Variants in ST6GALNAC3 observed in about 807,000 individuals in gnomAD.
The protein encoded by ST6GALNAC3 is ST6 N-acetylgalactosaminide alpha-2,6-sialyltransferase 3.
In ST6GALNAC3, 25 loss-of-function variants were observed where a neutral mutation model predicts 32.7. The ratio of observed to expected loss-of-function variants is 0.76; its 90% CI spans 0.56 to 1.07. ST6GALNAC3 has a LOEUF of 1.07. Among genes scored for constraint, ST6GALNAC3 ranks in the 50% least tolerant of loss-of-function variants. The pLI is 0.00. For synonymous variants in ST6GALNAC3, 129 were observed against 133.1 expected (o/e 0.97, Z 0.21); for missense variants, 355 against 382.4 (o/e 0.93, Z 0.60).
chr1:76,215,655 G>T (rs141952965), intron 1 of ST6GALNAC3, among the ~76,000 whole-genome samples: 1 of 152,208 alleles, frequency 6.6e-6, no homozygotes, highest in Admixed American at 6.5e-5. Context: ...ATCTTGGAGC[G>T]TATCAGGAAG....
At chr1:76,459,369 C>T (rs9437154) in intron 3 of ST6GALNAC3, among the ~76,000 whole-genome samples, 75,813 of 151,932 alleles carry the variant, frequency 0.5, 22,272 homozygotes, top group Non-Finnish European at 0.65. Flanking sequence ...TCAAGACCAT[C>T]CTGGCTAACA....
At chr1:76,576,482 A>G (rs1376374251) in intron 3 of ST6GALNAC3, among the ~76,000 whole-genome samples, 1 of 152,050 alleles carries the variant, frequency 6.6e-6, no homozygotes, top group East Asian at 1.9e-4. Context: ...TTGCAGTTAG[A>G]CCAAGGAATC....
rs141276750 is a variant in ST6GALNAC3, at chr1:76,379,558, C to T, written c.214-32450C>T. The stretch of plus-strand genomic sequence containing the variant: ...GGTGGAGAAAGAGAGAATCTCATGA[C>T]GGCTTTTGGTTTGGGGTTATTGAGA... On this transcript the variant is annotated intron_variant, in intron 2 of 4. Transcript: ENST00000328299. Among the ~76,000 whole-genome samples, 9 of 152,280 alleles carry T rather than the reference C, an allele frequency of 5.9e-5. No individual in the cohort carries two copies. The East Asian group carries it at 9.7e-4, about 16-fold the overall frequency.
At chr1:76,274,733 G>A (rs142374602) in intron 1 of ST6GALNAC3, among the ~76,000 whole-genome samples, 9 of 152,294 alleles carry the variant, frequency 5.9e-5, no homozygotes, top group Non-Finnish European at 1.0e-4. Flanking sequence ...ATTTTAAAGA[G>A]ATAGGGTGGA....
In ST6GALNAC3 at chr1:76,530,262, G is replaced by A. The variant is rs74335703; in HGVS notation, c.624-97190G>A. 9.1e-3 allele frequency among the ~76,000 whole-genome samples: 1,381 copies of A among 152,158 alleles called. 23 individuals carry two copies. Among genetic ancestry groups the A allele is most frequent in the African/African-American group, 0.03 (1,262 of 41,490 alleles). On this transcript the variant is annotated intron_variant, in intron 3 of 4. Coordinates refer to ENST00000328299, the MANE Select transcript of ST6GALNAC3 (RefSeq NM_152996.4). ...TACCTTTTATCCCAGGTACAGGGGC[G>A]GACAAAACTTCATACCTGATTAATC...
At chr1:76,398,690 C>A (rs1394251112) in intron 2 of ST6GALNAC3, among the ~76,000 whole-genome samples, 1 of 152,038 alleles carries the variant, frequency 6.6e-6, no homozygotes, top group African/African-American at 2.4e-5. Context: ...TGTTTGTGTA[C>A]ATGAAAATTG....
intron 3 of ST6GALNAC3, among the ~76,000 whole-genome samples, chr1:76,463,401 A>T (rs1250381873): frequency 6.6e-6 from 1 of 152,166 alleles, no homozygotes; most frequent in Non-Finnish European, 1.5e-5. Context: ...CTCATTGGAG[A>T]TAAGACAGTT....
In ST6GALNAC3 at chr1:76,074,798, C is replaced by T; in HGVS notation, c.-69C>T. On this transcript the variant is annotated 5_prime_UTR_variant, in exon 1 of 5. Transcript: ENST00000328299. ...GTCCTGCCGTGGTACCAGCCTCCAG[C>T]CTGCCCCCAGGACTGCCCCTGACCC... 1 of 1,541,360 alleles carries T rather than the reference C, an allele frequency of 6.5e-7. No homozygotes were observed. Among genetic ancestry groups the T allele is most frequent in the Non-Finnish European group, 8.8e-7 (1 of 1,140,982 alleles).
chr1:76,618,467 A>C (rs573446873), intron 3 of ST6GALNAC3, among the ~76,000 whole-genome samples: 2 of 152,218 alleles, frequency 1.3e-5, no homozygotes, highest in Admixed American at 6.5e-5. Flanking sequence ...ACAAATGCAC[A>C]GTTATTAACA....
At chr1:76,185,712 C>G (rs915059016) in intron 1 of ST6GALNAC3, among the ~76,000 whole-genome samples, 1 of 152,116 alleles carries the variant, frequency 6.6e-6, no homozygotes. Context: ...GACACAGAGA[C>G]GAACAGACCA....
chr1:76,118,771 C>G (rs1029752309), intron 1 of ST6GALNAC3, among the ~76,000 whole-genome samples: 3 of 152,130 alleles, frequency 2.0e-5, no homozygotes, highest in Non-Finnish European at 4.4e-5. Context: ...TTCCTGTGCA[C>G]ATTCCTTTTT....
intron 3 of ST6GALNAC3, among the ~76,000 whole-genome samples, chr1:76,485,727 G>C (rs1326898122): frequency 1.3e-5 from 2 of 152,034 alleles, no homozygotes; most frequent in African/African-American, 4.8e-5. Context: ...ATCTCCTTCA[G>C]TTCTTCTCTG....
At chr1:76,146,476 T>C (rs193062519) in intron 1 of ST6GALNAC3, among the ~76,000 whole-genome samples, 1 of 152,282 alleles carries the variant, frequency 6.6e-6, no homozygotes, top group Admixed American at 6.5e-5. Context: ...CATGCTCCTG[T>C]CCTCTCTGAC....
intron 3 of ST6GALNAC3, among the ~76,000 whole-genome samples, chr1:76,438,607 C>T (rs1001086938): frequency 6.6e-6 from 1 of 152,102 alleles, no homozygotes; most frequent in Non-Finnish European, 1.5e-5. Flanking sequence ...CTTTTGGCAC[C>T]TTGTGCTCTA....
chr1:76,196,603 T>C (rs1448521318), intron 1 of ST6GALNAC3, among the ~76,000 whole-genome samples: 1 of 152,000 alleles, frequency 6.6e-6, no homozygotes, highest in East Asian at 1.9e-4. Flanking sequence ...GTAGCTGGGA[T>C]TACAGGCTTG....
intron 1 of ST6GALNAC3, among the ~76,000 whole-genome samples, chr1:76,111,067 G>A (rs1321801837): frequency 6.6e-6 from 1 of 152,162 alleles, no homozygotes; most frequent in African/African-American, 2.4e-5. Context: ...AGTAAGAAAG[G>A]CTTAGAGATA....
At chr1:76,117,518 A>G (rs1038650479) in intron 1 of ST6GALNAC3, among the ~76,000 whole-genome samples, 8 of 152,230 alleles carry the variant, frequency 5.3e-5, no homozygotes, top group African/African-American at 1.9e-4. Flanking sequence ...TAAACCTAAA[A>G]TGTGGTTTAT....
intron 2 of ST6GALNAC3, among the ~76,000 whole-genome samples, chr1:76,367,522 A>G (rs1432493748): frequency 1.3e-5 from 2 of 152,154 alleles, no homozygotes; most frequent in Non-Finnish European, 2.9e-5. Context: ...GCATTGTACT[A>G]AATTTTGAGT....
intron 3 of ST6GALNAC3, among the ~76,000 whole-genome samples, chr1:76,449,685 T>C (rs575421920): frequency 6.6e-5 from 10 of 152,268 alleles, no homozygotes; most frequent in Admixed American, 3.9e-4. Flanking sequence ...TCTTTTCATA[T>C]GCTTATTTGT....
Sources: gnomAD v4.1 joint callset for allele counts (sites outside exome capture counted in the v4.1 genomes callset) on GRCh38, gnomAD v4.1.1 for gene constraint, MANE v1.5 for transcripts, NCBI Gene and HGNC (gene_info 2026-07-23, HGNC 2026-07-21) for gene names.